METTL24: variants seen among roughly 807,000 people sequenced by gnomAD.
METTL24 encodes the protein probable methyltransferase-like protein 24.
Under a neutral mutation model 32.7 loss-of-function variants are expected in METTL24, and 29 were observed. The ratio of observed to expected loss-of-function variants is 0.89; its 90% CI spans 0.66 to 1.21. The LOEUF is 1.21. Among genes scored for constraint, METTL24 ranks in the 50% most tolerant of loss-of-function variants. The pLI, the probability that METTL24 is intolerant of heterozygous loss-of-function variation, is 0.00. For missense variants in METTL24, 439 were observed against 468.1 expected (o/e 0.94, Z 0.57); for synonymous variants, 163 against 179.5 (o/e 0.91, Z 0.73).
chr6:110,350,174 CA>C (rs1772565480), intron 1 of METTL24, among the ~76,000 whole-genome samples: 1 of 152,176 alleles, frequency 6.6e-6, no homozygotes, highest in East Asian at 1.9e-4. Flanking sequence ...ATTCCTCACA[CA>C]TGGGAAAGAT....
In METTL24 at chr6:110,336,738, C is replaced by CA. The variant is rs57378153; in HGVS notation, c.319-13867dup. Reference sequence around the variant, plus strand: ...TGGGCGACACAGCAAGACTCCGCCTCAAAAAAAAAAAAAAAAAACAAAAAG... The same window carrying CA: ...TGGGCGACACAGCAAGACTCCGCCTCAAAAAAAAAAAAAAAAAAACAAAAAG... On this transcript the variant is annotated intron_variant, in intron 1 of 4. Coordinates refer to ENST00000338882, the MANE Select transcript of METTL24 (RefSeq NM_001123364.3). Among the ~76,000 whole-genome samples the CA allele has an allele frequency of 1.4e-3, 184 of 131,310 alleles. 2 individuals are homozygous for CA. The highest frequency in any genetic ancestry group is 6.4e-3 in the East Asian group (27 of 4,230). The allele number at this position is 131,310 out of a possible 152,430, so 86.1% of individuals were successfully genotyped here.
chr6:110,337,292 G>A (rs1772256596), intron 1 of METTL24, among the ~76,000 whole-genome samples: 1 of 152,106 alleles, frequency 6.6e-6, no homozygotes, highest in African/African-American at 2.4e-5. Flanking sequence ...GTTGGAGAAG[G>A]GAGAAGAATG....
At chr6:110,250,279 T>A (rs1778253566) in intron 4 of METTL24, among the ~76,000 whole-genome samples, 1 of 151,964 alleles carries the variant, frequency 6.6e-6, no homozygotes, top group Non-Finnish European at 1.5e-5. Flanking sequence ...CTTGCCTGGC[T>A]TCCCGTGGCT....
chr6:110,266,456 C>T (rs1770859816), intron 4 of METTL24, among the ~76,000 whole-genome samples: 1 of 152,114 alleles, frequency 6.6e-6, no homozygotes. Context: ...TTTAGCACTG[C>T]CAAATTGGTA....
intron 4 of METTL24, among the ~76,000 whole-genome samples, chr6:110,289,155 A>C (rs1313418146): frequency 2.0e-5 from 3 of 152,208 alleles, no homozygotes; most frequent in Non-Finnish European, 4.4e-5. Context: ...AGAAAGAGAA[A>C]AGCAAAACCA....
chr6:110,330,217 C>T (rs1772089643), intron 1 of METTL24, among the ~76,000 whole-genome samples: 1 of 152,192 alleles, frequency 6.6e-6, no homozygotes, highest in Non-Finnish European at 1.5e-5. Flanking sequence ...ATGGTAGAAG[C>T]CACAGTGGGG....
chr6:110,323,729 C>T (rs766337112), intron 1 of METTL24, among the ~76,000 whole-genome samples: 22 of 151,826 alleles, frequency 1.4e-4, no homozygotes, highest in Middle Eastern at 3.4e-3. Flanking sequence ...GGGGTGGGGA[C>T]GGCTCGTGCA....
chr6:110,309,372 T>C (rs1771678204), intron 3 of METTL24, among the ~76,000 whole-genome samples: 1 of 152,200 alleles, frequency 6.6e-6, no homozygotes, highest in African/African-American at 2.4e-5. Flanking sequence ...AATGACACAC[T>C]AGTGGGTAAA....
intron 1 of METTL24, among the ~76,000 whole-genome samples, chr6:110,334,948 T>G (rs531119400): frequency 6.6e-6 from 1 of 152,350 alleles, no homozygotes; most frequent in South Asian, 2.1e-4. Context: ...TCTGTCTGAA[T>G]GCACTATAAG....
At chr6:110,263,772 G>C (rs1326580902) in intron 4 of METTL24, among the ~76,000 whole-genome samples, 1 of 152,076 alleles carries the variant, frequency 6.6e-6, no homozygotes, top group Non-Finnish European at 1.5e-5. Flanking sequence ...CCAAAACAGA[G>C]ATATAGACCA....
chr6:110,271,988 T>TTTA (rs1294560187), intron 4 of METTL24, among the ~76,000 whole-genome samples: 1 of 152,030 alleles, frequency 6.6e-6, no homozygotes, highest in Non-Finnish European at 1.5e-5. Context: ...TCAACAGAGC[T>TTTA]TTATTATTAT....
At chr6:110,341,042 A>G (rs990705165) in intron 1 of METTL24, among the ~76,000 whole-genome samples, 1 of 151,902 alleles carries the variant, frequency 6.6e-6, no homozygotes, top group Non-Finnish European at 1.5e-5. Context: ...AATGAAGGGC[A>G]CTTTATGTCT....
chr6:110,308,810 C>A (rs1228359026), intron 3 of METTL24, among the ~76,000 whole-genome samples: 1 of 152,098 alleles, frequency 6.6e-6, no homozygotes, highest in East Asian at 1.9e-4. Flanking sequence ...TGTGGCTGAA[C>A]CTTGAAAATA....
At chr6:110,280,075 G>A (rs566776432) in intron 4 of METTL24, among the ~76,000 whole-genome samples, 2 of 152,086 alleles carry the variant, frequency 1.3e-5, no homozygotes, top group Non-Finnish European at 2.9e-5. Context: ...CTATTGCGAG[G>A]ACAGTACCAA....
intron 3 of METTL24, among the ~76,000 whole-genome samples, chr6:110,306,039 G>A (rs920610324): frequency 2.0e-5 from 3 of 152,078 alleles, no homozygotes; most frequent in Non-Finnish European, 4.4e-5. Flanking sequence ...CATGGATGAA[G>A]CTGGAAACCA....
chr6:110,349,066 T>A (rs886295448), intron 1 of METTL24, among the ~76,000 whole-genome samples: 23 of 152,188 alleles, frequency 1.5e-4, no homozygotes, highest in Non-Finnish European at 7.3e-5. Flanking sequence ...AATGTGCAGA[T>A]TCAGTGAGGC....
chr6:110,265,881 C>T lies in METTL24; in HGVS notation c.787-19621G>A, dbSNP rs1770848805. 6.1e-5 allele frequency among the ~76,000 whole-genome samples: 7 copies of T among 115,592 alleles called. No individual in the cohort carries two copies. In the South Asian group the frequency reaches 2.1e-3, roughly 35 times the overall value. 75.8% of individuals were successfully genotyped at this position (115,592 alleles called of 152,430 possible). ...CTTCCTCCTCCTCCTCCTCCTTCTT[C>T]CTCTTCCTCCTCCTCCTCCTCTTTC... On this transcript the variant is annotated intron_variant, in intron 4 of 4. Transcript: ENST00000338882.
At chr6:110,334,037 C>T (rs1772160927) in intron 1 of METTL24, among the ~76,000 whole-genome samples, 2 of 148,664 alleles carry the variant, frequency 1.3e-5, no homozygotes, top group Non-Finnish European at 3.0e-5. Flanking sequence ...AGTAAATAAG[C>T]CAGACAGAAA....
intron 1 of METTL24, among the ~76,000 whole-genome samples, chr6:110,350,019 G>A (rs568430556): frequency 2.6e-5 from 4 of 152,308 alleles, no homozygotes; most frequent in Non-Finnish European, 4.4e-5. Flanking sequence ...TGTGGCCCTC[G>A]TGCCACCTGC....
Sources: allele counts gnomAD v4.1 joint callset (sites outside exome capture counted in the v4.1 genomes callset), GRCh38; gene constraint gnomAD v4.1.1; transcripts MANE v1.5; gene names NCBI Gene and HGNC (gene_info 2026-07-23, HGNC 2026-07-21).